CEP63: variants seen among roughly 807,000 people sequenced by gnomAD.
CEP63 encodes the protein centrosomal protein 63, also known as centrosomal protein of 63 kDa.
Under a neutral mutation model 89.1 loss-of-function variants are expected in CEP63, and 84 were observed. The observed-to-expected ratio is 0.94, with a 90% CI of 0.79 to 1.13. The LOEUF (loss-of-function observed/expected upper bound fraction) is 1.13. Ranked by LOEUF, CEP63 falls within the 50% of genes most tolerant of loss-of-function variation. The pLI is 0.00. For synonymous variants in CEP63, 267 were observed against 272.5 expected (o/e 0.98, Z 0.20); for missense variants, 838 against 813.3 (o/e 1.03, Z -0.37).
intron 12 of CEP63, among the ~76,000 whole-genome samples, chr3:134,555,580 C>T (rs929143338): frequency 1.1e-4 from 17 of 151,868 alleles, no homozygotes; most frequent in African/African-American, 4.1e-4. Context: ...TGTGAAGGAC[C>T]TCTTCAAGGA....
At chr3:134,693,173 C>T in the CEP63 span, among the ~76,000 whole-genome samples, 1 of 152,146 alleles carries the variant, frequency 6.6e-6, no homozygotes, top group Non-Finnish European at 1.5e-5. Context: ...ATAAGATATT[C>T]AAGAAAGCTG....
the CEP63 span, chr3:134,608,464 T>G: frequency 2.0e-6 from 3 of 1,528,594 alleles, no homozygotes; most frequent in African/African-American, 4.1e-5. Context: ...TTCCCTGCCC[T>G]GATGGCCTGG....
At chr3:134,751,506 A>G in the CEP63 span, among the ~76,000 whole-genome samples, 262 of 152,190 alleles carry the variant, frequency 1.7e-3, no homozygotes, top group African/African-American at 5.9e-3. Context: ...ATGACTGCTT[A>G]GGTGGGGGTG....
chr3:134,724,518 C>T, the CEP63 span, among the ~76,000 whole-genome samples: 1 of 152,220 alleles, frequency 6.6e-6, no homozygotes, highest in African/African-American at 2.4e-5. Context: ...TGCCCATTGG[C>T]ACCCAGCTCC....
At chr3:134,724,033 C>G in the CEP63 span, among the ~76,000 whole-genome samples, 1 of 152,156 alleles carries the variant, frequency 6.6e-6, no homozygotes, top group Non-Finnish European at 1.5e-5. Flanking sequence ...TTTTCCAACT[C>G]TTTATTTTCC....
At chr3:134,634,230 G>C in the CEP63 span, among the ~76,000 whole-genome samples, 1 of 152,054 alleles carries the variant, frequency 6.6e-6, no homozygotes, top group African/African-American at 2.4e-5. Context: ...CAAACATTTT[G>C]GGGGAATTGT....
At chr3:134,517,168 C>G (rs535779628) in intron 3 of CEP63, among the ~76,000 whole-genome samples, 39 of 152,312 alleles carry the variant, frequency 2.6e-4, no homozygotes, top group Admixed American at 2.0e-3. Context: ...CTGCCTTGCT[C>G]TCTGTGTCCT....
downstream of CEP63, among the ~76,000 whole-genome samples, chr3:134,576,202 C>G (rs1958209528): frequency 6.6e-6 from 1 of 152,182 alleles, no homozygotes; most frequent in Non-Finnish European, 1.5e-5. Flanking sequence ...CCAGCCCTTT[C>G]TCCTCTTCTT....
chr3:134,772,280 T>G, the CEP63 span, among the ~76,000 whole-genome samples: 14 of 40,856 alleles, frequency 3.4e-4, no homozygotes, highest in Non-Finnish European at 5.2e-5. Context: ...CCCGTGCAGC[T>G]GTGCAGGGCT....
At chr3:134,629,648 G>A in the CEP63 span, 1 of 1,602,106 alleles carries the variant, frequency 6.2e-7, no homozygotes, top group African/African-American at 1.3e-5. Context: ...TTCTTGAGCA[G>A]CTGGGGCATG....
At chr3:134,664,297 A>G in the CEP63 span, among the ~76,000 whole-genome samples, 1 of 152,148 alleles carries the variant, frequency 6.6e-6, no homozygotes, top group Non-Finnish European at 1.5e-5. Context: ...AGCAGCAATC[A>G]CACCCTCTGT....
the CEP63 span, among the ~76,000 whole-genome samples, chr3:134,714,487 AG>A: frequency 1.3e-5 from 2 of 152,150 alleles, no homozygotes. Context: ...CCAACAGCAC[AG>A]GCCCCGGCCC....
At chr3:134,506,574 G>A (rs935906787) in intron 2 of CEP63, among the ~76,000 whole-genome samples, 1 of 152,166 alleles carries the variant, frequency 6.6e-6, no homozygotes, top group Non-Finnish European at 1.5e-5. Flanking sequence ...GCTATGAGAG[G>A]AAGATAAGAT....
the CEP63 span, among the ~76,000 whole-genome samples, chr3:134,734,411 T>A: frequency 2.0e-5 from 3 of 152,192 alleles, no homozygotes; most frequent in African/African-American, 7.2e-5. Context: ...TATAGTATTC[T>A]TGAAATGACA....
At chr3:134,567,861 G>A (rs909362945), downstream of CEP63, among the ~76,000 whole-genome samples, 2 of 152,224 alleles carry the variant, frequency 1.3e-5, no homozygotes, top group African/African-American at 2.4e-5. Context: ...AATGCTTGGC[G>A]CTAACCTCAG....
chr3:134,759,029 A>G, the CEP63 span, among the ~76,000 whole-genome samples: 3 of 152,198 alleles, frequency 2.0e-5, no homozygotes, highest in Non-Finnish European at 4.4e-5. Flanking sequence ...TGGCTTTGAA[A>G]GCAGAAGAAG....
the CEP63 span, among the ~76,000 whole-genome samples, chr3:134,705,525 T>G: frequency 6.6e-6 from 1 of 152,228 alleles, no homozygotes; most frequent in African/African-American, 2.4e-5. Context: ...AATTTCAATA[T>G]GAGTTTTGGT....
chr3:134,729,082 A>G, the CEP63 span, among the ~76,000 whole-genome samples: 2 of 152,178 alleles, frequency 1.3e-5, no homozygotes, highest in African/African-American at 4.8e-5. Context: ...GGTAGGGTTT[A>G]TTTTTAATTT....
chr3:134,561,032 A>T (rs894149381), intron 14 of CEP63, among the ~76,000 whole-genome samples: 1 of 152,238 alleles, frequency 6.6e-6, no homozygotes, highest in Non-Finnish European at 1.5e-5. Context: ...CTTTAAAATA[A>T]AAGTGACATA....
Sources: allele counts gnomAD v4.1 joint callset (sites outside exome capture counted in the v4.1 genomes callset), GRCh38; gene constraint gnomAD v4.1.1; transcripts MANE v1.5; gene names NCBI Gene and HGNC (gene_info 2026-07-23, HGNC 2026-07-21).